The following PSD3 variants were observed in gnomAD, a reference collection of about 807,000 sequenced individuals.
PSD3 encodes pleckstrin and Sec7 domain containing 3, also known as PH and SEC7 domain-containing protein 3.
A neutral mutation model predicts 105.5 loss-of-function variants in PSD3; 49 were observed. The ratio of observed to expected loss-of-function variants is 0.46; its 90% CI spans 0.37 to 0.59. The LOEUF is 0.59. Among genes scored for constraint, PSD3 ranks in the 20% least tolerant of loss-of-function variants. The pLI, the probability that PSD3 is intolerant of heterozygous loss-of-function variation, is 0.00. For synonymous variants in PSD3, 557 were observed against 457.8 expected, an observed-to-expected ratio of 1.22 and a Z score of -2.77; for missense variants, 1,561 against 1,263.8, an observed-to-expected ratio of 1.24 and a Z score of -3.57.
At chr8:18,754,150 G>T (rs1009547765) in intron 9 of PSD3, among the ~76,000 whole-genome samples, 1 of 152,146 alleles carries the variant, frequency 6.6e-6, no homozygotes, top group African/African-American at 2.4e-5. Context: ...TTGGGAAGCC[G>T]AGGTGGGTGG....
rs79464338 is a variant in PSD3 at position 19,020,589 on chromosome 8, A to G, written c.324+63617T>C. On this transcript the variant is annotated intron_variant, in intron 1 of 1. Transcript: ENST00000521475. Reference sequence around the variant, plus strand: ...CAGAGGGGTAGGATGATCGACTTAGATTTTGCCAGAATCACCCGGTATTAT... The same window carrying G: ...CAGAGGGGTAGGATGATCGACTTAGGTTTTGCCAGAATCACCCGGTATTAT... Among the ~76,000 whole-genome samples the G allele has an allele frequency of 4.4e-3, 676 of 152,112 alleles. 4 individuals carry two copies. The highest frequency in any genetic ancestry group is 0.015 in the African/African-American group (639 of 41,488).
intron 4 of PSD3, among the ~76,000 whole-genome samples, chr8:18,817,264 T>C (rs1354833480): frequency 6.6e-6 from 1 of 152,252 alleles, no homozygotes; most frequent in Non-Finnish European, 1.5e-5. Flanking sequence ...ATATGTACTT[T>C]AGACACATGT....
chr8:18,776,220 G>C (rs1486122891), intron 8 of PSD3, among the ~76,000 whole-genome samples: 2 of 148,472 alleles, frequency 1.3e-5, no homozygotes, highest in African/African-American at 4.9e-5. Flanking sequence ...TTCCATGCCA[G>C]TACCATACTA....
At chr8:18,737,178 A>T (rs7828727) in intron 9 of PSD3, among the ~76,000 whole-genome samples, 141,621 of 152,274 alleles carry the variant, frequency 0.93, 65,921 homozygotes, top group Middle Eastern at 0.95. Context: ...TGTTTTCTTT[A>T]GTCTTTGTAA....
At chr8:18,770,873 C>G (rs1426191842) in intron 8 of PSD3, among the ~76,000 whole-genome samples, 1 of 152,112 alleles carries the variant, frequency 6.6e-6, no homozygotes, top group African/African-American at 2.4e-5. Flanking sequence ...TTACCAGCAT[C>G]CAGGAGAAAA....
intron 1 of PSD3, among the ~76,000 whole-genome samples, chr8:18,938,854 T>C (rs1433791729): frequency 6.6e-6 from 1 of 152,148 alleles, no homozygotes; most frequent in African/African-American, 2.4e-5. Context: ...AGATCCTAGA[T>C]TCACACCCGA....
intron 2 of PSD3, among the ~76,000 whole-genome samples, chr8:18,889,081 C>T (rs1320110449): frequency 6.6e-6 from 1 of 152,084 alleles, no homozygotes; most frequent in African/African-American, 2.4e-5. Context: ...TAGCATATCG[C>T]ATTAGGCTTT....
intron 9 of PSD3, among the ~76,000 whole-genome samples, chr8:18,739,339 T>G (rs575654181): frequency 1.3e-5 from 2 of 152,138 alleles, no homozygotes; most frequent in African/African-American, 4.8e-5. Flanking sequence ...ACTTAATTAT[T>G]AGTTATAAAC....
chr8:19,044,643 T>C (rs1828249098), intron 1 of PSD3, among the ~76,000 whole-genome samples: 1 of 152,210 alleles, frequency 6.6e-6, no homozygotes, highest in African/African-American at 2.4e-5. Flanking sequence ...CGCCAGGTAA[T>C]TGTTTCTAGG....
chr8:18,595,762 ATAGAG>A lies in PSD3; in HGVS notation c.2481+4597_2481+4601del, dbSNP rs1405135333. ...ATCTATCATCAAGGCACGTAAATAT[ATAGAG>A]TAAACATTGACAGGACTGAAGGTAG... On this transcript the variant is annotated intron_variant, in intron 12 of 15. Transcript: ENST00000327040. 5.3e-5 allele frequency among the ~76,000 whole-genome samples: 8 copies of A among 152,262 alleles called. No homozygotes were observed. In the East Asian group the frequency reaches 1.2e-3, roughly 22 times the overall value.
chr8:18,998,796 A>C (rs537662351), intron 1 of PSD3, among the ~76,000 whole-genome samples: 1 of 147,954 alleles, frequency 6.8e-6, no homozygotes, highest in Non-Finnish European at 1.5e-5. Flanking sequence ...GATGAAAGAG[A>C]AATTATGATG....
chr8:18,718,336 T>A (rs1802732460), intron 9 of PSD3, among the ~76,000 whole-genome samples: 1 of 152,230 alleles, frequency 6.6e-6, no homozygotes, highest in African/African-American at 2.4e-5. Flanking sequence ...ACTTTACTTT[T>A]CCCCATAGGG....
chr8:18,871,311 T>C (rs1304359573), intron 3 of PSD3, among the ~76,000 whole-genome samples: 2 of 152,204 alleles, frequency 1.3e-5, no homozygotes, highest in Non-Finnish European at 2.9e-5. Flanking sequence ...ACCTTGACGT[T>C]GGGAAACTTG....
intron 14 of PSD3, among the ~76,000 whole-genome samples, chr8:18,564,365 A>G (rs1025881893): frequency 1.3e-5 from 2 of 152,182 alleles, no homozygotes; most frequent in Non-Finnish European, 2.9e-5. Flanking sequence ...ACGGTGGCTC[A>G]CGCCTGTAAT....
At chr8:18,652,654 C>T (rs184804149) in intron 10 of PSD3, among the ~76,000 whole-genome samples, 14 of 151,902 alleles carry the variant, frequency 9.2e-5, no homozygotes, top group Non-Finnish European at 1.5e-4. Flanking sequence ...CACGCCACCA[C>T]GCCCAGCTAA....
At chr8:18,765,602 T>A (rs750675291) in intron 8 of PSD3, 64 bp from the exon 9 acceptor site, 1 of 1,291,932 alleles carries the variant, frequency 7.7e-7, no homozygotes, top group Non-Finnish European at 1.1e-6. Flanking sequence ...TTCATAAATA[T>A]ATGATGAGGC....
intron 10 of PSD3, among the ~76,000 whole-genome samples, chr8:18,633,035 G>T (rs1220001719): frequency 6.6e-6 from 1 of 151,900 alleles, no homozygotes; most frequent in Non-Finnish European, 1.5e-5. Flanking sequence ...TACAGATAAG[G>T]AAATAGACTC....
chr8:19,003,879 A>G (rs1453945794), intron 1 of PSD3, among the ~76,000 whole-genome samples: 1 of 151,962 alleles, frequency 6.6e-6, no homozygotes, highest in Non-Finnish European at 1.5e-5. Flanking sequence ...GACCACACCC[A>G]CTAAAGAGAA....
intron 1 of PSD3, among the ~76,000 whole-genome samples, chr8:19,037,917 T>A (rs1827997026): frequency 6.7e-6 from 1 of 149,244 alleles, no homozygotes; most frequent in African/African-American, 2.4e-5. Context: ...TATATAATCA[T>A]ATAGATTTTA....
Sources: allele counts gnomAD v4.1 joint callset (sites outside exome capture counted in the v4.1 genomes callset), GRCh38; gene constraint gnomAD v4.1.1; transcripts MANE v1.5; gene names NCBI Gene and HGNC (gene_info 2026-07-23, HGNC 2026-07-21).